Variants in GK observed in about 807,000 individuals in gnomAD.
GK encodes the protein ATP:glycerol 3-phosphotransferase.
In GK, 9 loss-of-function variants were observed where a neutral mutation model predicts 56.4. That is an observed-to-expected ratio of 0.16 (90% confidence interval 0.10 to 0.28). GK has a LOEUF of 0.28. Among genes scored for constraint, GK ranks in the 10% least tolerant of loss-of-function variants. GK has a pLI of 1.00. For missense variants in GK, 161 were observed against 431.4 expected (o/e 0.37, Z 5.55); for synonymous variants, 104 against 144.1 (o/e 0.72, Z 1.99).
chrX:30,674,866 G>A (rs898093142), intron 3 of GK, among the ~76,000 whole-genome samples: 10 of 111,721 alleles, frequency 9.0e-5, no homozygotes, highest in Admixed American at 2.9e-4. Flanking sequence ...AATAGTATTA[G>A]AACAAGGGAG....
At chrX:30,722,654 T>C (rs1383517955) in intron 18 of GK, among the ~76,000 whole-genome samples, 2 of 112,270 alleles carry the variant, frequency 1.8e-5, no homozygotes, top group Non-Finnish European at 3.8e-5. Flanking sequence ...TGTACTGATG[T>C]GGGGATATAG....
chrX:30,719,405 G>A lies in GK; in HGVS notation c.1055-14G>A. 9.5e-7 allele frequency: 1 copy of A among 1,047,821 alleles called. No homozygotes were observed. The highest frequency in any genetic ancestry group is 1.3e-6 in the Non-Finnish European group (1 of 747,813). 86.4% of individuals were successfully genotyped at this position (1,047,821 alleles called of 1,213,427 possible). A position where few individuals can be genotyped will look rare whatever the true frequency, so the allele number is the denominator to read the frequency against. ...ATTTGTGTGATTTTTGTTTTGTTTTGTTTTTAATGTTAGAAAAACTTGCTA... is the reference window on the plus strand; with the variant it reads ...ATTTGTGTGATTTTTGTTTTGTTTTATTTTTAATGTTAGAAAAACTTGCTA... On this transcript the variant is annotated splice_polypyrimidine_tract_variant and intron_variant, in intron 14 of 20. Transcript: ENST00000427190.
At chrX:30,698,323 T>C (rs1351730431) in intron 9 of GK, 1 of 112,965 alleles carries the variant, frequency 8.9e-6, no homozygotes, top group Non-Finnish European at 1.9e-5. Flanking sequence ...CTAGGTTTCC[T>C]ATAGATTCAC....
intron 19 of GK, among the ~76,000 whole-genome samples, chrX:30,726,267 G>A (rs1937123276): frequency 9.2e-6 from 1 of 109,160 alleles, no homozygotes; most frequent in African/African-American, 3.3e-5. Flanking sequence ...TTAGGCTGCA[G>A]TGGATTTAAG....
intron 14 of GK, 114 bp from the exon 15 acceptor site, chrX:30,719,305 T>C (rs772411290): frequency 5.9e-6 from 3 of 505,068 alleles, no homozygotes; most frequent in Non-Finnish European, 1.1e-5. Context: ...GCTCTACCAA[T>C]GAATTGGAAA....
intron 3 of GK, among the ~76,000 whole-genome samples, chrX:30,676,210 C>T (rs1933895823): frequency 8.9e-6 from 1 of 112,499 alleles, no homozygotes; most frequent in Admixed American, 9.4e-5. Flanking sequence ...GCTAGGACTA[C>T]AGTTGTGTAC....
At chrX:30,661,247 G>A (rs779764477) in intron 1 of GK, among the ~76,000 whole-genome samples, 10 of 111,616 alleles carry the variant, frequency 9.0e-5, no homozygotes, top group South Asian at 3.7e-4. Flanking sequence ...GTTCCTGTCC[G>A]GAAGCTACTG....
Position 30,708,368 on chromosome X carries a change from A to G in GK, c.975+234A>G, listed in dbSNP as rs747398782. On this transcript the variant is annotated intron_variant, in intron 13 of 20. Transcript: ENST00000427190. ...TTATGCCAATTAATCATGTCACCTT[A>G]GGCATATTACTTGAGAGCTCTACAA... Among the ~76,000 whole-genome samples, 33 of 108,917 alleles carry G rather than the reference A, an allele frequency of 3.0e-4. No homozygotes were observed. The East Asian group carries it at 9.1e-3, about 30-fold the overall frequency. The allele number at this position is 108,917 out of a possible 115,157, so 94.6% of individuals were successfully genotyped here.
At chrX:30,716,850 C>A (rs1401641495) in intron 13 of GK, among the ~76,000 whole-genome samples, 14 of 111,952 alleles carry the variant, frequency 1.3e-4, no homozygotes, top group Non-Finnish European at 2.3e-4. Context: ...GTTTTTGTCC[C>A]ATTTTTAAAG....
intron 3 of GK, among the ~76,000 whole-genome samples, chrX:30,670,451 G>A (rs62591597): frequency 9.1e-6 from 1 of 110,225 alleles, no homozygotes; most frequent in African/African-American, 3.3e-5. Flanking sequence ...AATTGAACAG[G>A]CAGCTTCTCT....
chrX:30,659,357 A>C (rs1185823163), intron 1 of GK, among the ~76,000 whole-genome samples: 1 of 112,520 alleles, frequency 8.9e-6, no homozygotes, highest in Admixed American at 9.4e-5. Context: ...GAAAAACATA[A>C]TTTCATTTGC....
At chrX:30,700,313 A>G in intron 9 of GK, 101 bp from the exon 10 acceptor site, 10 of 530,229 alleles carry the variant, frequency 1.9e-5, no homozygotes, top group Non-Finnish European at 3.3e-5. Flanking sequence ...GTCTGCCCAC[A>G]TCCTCTGGCA....
chrX:30,718,465 C>A, intron 13 of GK, 73 bp from the exon 14 acceptor site: 1 of 674,707 alleles, frequency 1.5e-6, no homozygotes, highest in Non-Finnish European at 2.4e-6. Flanking sequence ...TTGTGTCATA[C>A]ACAGAATATG....
intron 3 of GK, among the ~76,000 whole-genome samples, chrX:30,669,748 A>G (rs1323009673): frequency 9.0e-6 from 1 of 110,783 alleles, no homozygotes; most frequent in Non-Finnish European, 1.9e-5. Flanking sequence ...GATACTTACC[A>G]TCGCTCCTGA....
chrX:30,709,103 C>T (rs1431461621), intron 13 of GK, among the ~76,000 whole-genome samples: 4 of 112,436 alleles, frequency 3.6e-5, no homozygotes, highest in Non-Finnish European at 7.5e-5. Flanking sequence ...TAAAATCCTA[C>T]AAGCCCTCTC....
At chrX:30,677,165 T>C (rs1250123332) in intron 3 of GK, among the ~76,000 whole-genome samples, 1 of 112,225 alleles carries the variant, frequency 8.9e-6, no homozygotes. Context: ...GGAAGGAGTA[T>C]GTAGAAATGA....
intron 13 of GK, among the ~76,000 whole-genome samples, chrX:30,708,698 G>T (rs1274697068): frequency 8.9e-6 from 1 of 111,871 alleles, no homozygotes; most frequent in African/African-American, 3.2e-5. Context: ...ATAGGATATG[G>T]TAAGTTAGTG....
chrX:30,698,106 AC>A, intron 9 of GK: 1 of 161,968 alleles, frequency 6.2e-6, no homozygotes, highest in Non-Finnish European at 1.2e-5. Context: ...ACCTTTCCAG[AC>A]CAGTTAGTTG....
At chrX:30,664,236 C>T (rs1289527042) in intron 1 of GK, among the ~76,000 whole-genome samples, 3 of 98,345 alleles carry the variant, frequency 3.1e-5, no homozygotes, top group African/African-American at 7.5e-5. Flanking sequence ...TCTTGTTGCC[C>T]AGGCTGGAGT....
Sources: gnomAD v4.1 joint callset for allele counts (sites outside exome capture counted in the v4.1 genomes callset) on GRCh38, gnomAD v4.1.1 for gene constraint, MANE v1.5 for transcripts, NCBI Gene and HGNC (gene_info 2026-07-23, HGNC 2026-07-21) for gene names.